FBXL7: variants seen among roughly 807,000 people sequenced by gnomAD.
The protein encoded by FBXL7 is F-box and leucine rich repeat protein 7, also known as F-box/LRR-repeat protein 7.
FBXL7 carries 12 observed loss-of-function variants against 38.3 expected under a neutral mutation model. That is an observed-to-expected ratio of 0.31 (90% CI 0.20 to 0.51). FBXL7 has a LOEUF of 0.51. FBXL7 is among the 20% of genes least tolerant of loss of function. FBXL7 has a pLI of 0.98. For synonymous variants in FBXL7, 297 were observed against 300.9 expected, an observed-to-expected ratio of 0.99 and a Z score of 0.13; for missense variants, 567 against 676.4, an observed-to-expected ratio of 0.84 and a Z score of 1.79.
At chr5:15,890,728 C>T (rs146702663) in intron 2 of FBXL7, among the ~76,000 whole-genome samples, 2 of 152,122 alleles carry the variant, frequency 1.3e-5, no homozygotes, top group Admixed American at 6.5e-5. Flanking sequence ...TCTCTGGTGC[C>T]GAAAAGGCTG....
At chr5:15,606,509 G>A (rs1412993860) in intron 1 of FBXL7, among the ~76,000 whole-genome samples, 1 of 152,200 alleles carries the variant, frequency 6.6e-6, no homozygotes, top group Non-Finnish European at 1.5e-5. Context: ...TTGCTCAGTG[G>A]CCCTGAGGCC....
At chr5:15,530,472 G>A (rs1737387667) in intron 1 of FBXL7, among the ~76,000 whole-genome samples, 1 of 152,064 alleles carries the variant, frequency 6.6e-6, no homozygotes, top group African/African-American at 2.4e-5. Flanking sequence ...TTCTTAGTAT[G>A]GTGCATAATT....
At chr5:15,802,045 T>C (rs1737583767) in intron 2 of FBXL7, among the ~76,000 whole-genome samples, 1 of 152,136 alleles carries the variant, frequency 6.6e-6, no homozygotes. Flanking sequence ...CCTACACTTC[T>C]GGTTAGGCAT....
intron 1 of FBXL7, among the ~76,000 whole-genome samples, chr5:15,507,518 C>T (rs1249007320): frequency 6.6e-6 from 1 of 152,136 alleles, no homozygotes; most frequent in Non-Finnish European, 1.5e-5. Flanking sequence ...AAGGCCATAT[C>T]CACTGGTGTC....
At chr5:15,548,765 G>A (rs759159614) in intron 1 of FBXL7, among the ~76,000 whole-genome samples, 5 of 152,200 alleles carry the variant, frequency 3.3e-5, no homozygotes, top group Admixed American at 3.3e-4. Flanking sequence ...TTTCATGTAA[G>A]AGGTGGGTAG....
intron 2 of FBXL7, among the ~76,000 whole-genome samples, chr5:15,636,255 G>A (rs1580424550): frequency 6.6e-6 from 1 of 152,024 alleles, no homozygotes; most frequent in South Asian, 2.1e-4. Flanking sequence ...TTTCCTCTGT[G>A]TCTCCCTTGT....
intron 2 of FBXL7, among the ~76,000 whole-genome samples, chr5:15,644,938 A>G (rs1338925788): frequency 6.6e-6 from 1 of 152,142 alleles, no homozygotes; most frequent in African/African-American, 2.4e-5. Context: ...GCAGATCTGC[A>G]GCACCCCTGG....
chr5:15,887,632 G>A (rs908521906), intron 2 of FBXL7, among the ~76,000 whole-genome samples: 6 of 152,016 alleles, frequency 3.9e-5, no homozygotes, highest in African/African-American at 1.2e-4. Flanking sequence ...CTAAAGACAG[G>A]GAGCTAACAA....
At chr5:15,558,489 C>T (rs1410945768) in intron 1 of FBXL7, among the ~76,000 whole-genome samples, 1 of 152,196 alleles carries the variant, frequency 6.6e-6, no homozygotes, top group Non-Finnish European at 1.5e-5. Context: ...ACACAGGTGC[C>T]AGGCCACATT....
intron 2 of FBXL7, among the ~76,000 whole-genome samples, chr5:15,724,990 C>T (rs1418726436): frequency 6.6e-6 from 1 of 152,098 alleles, no homozygotes; most frequent in Non-Finnish European, 1.5e-5. Context: ...TTTAAAAATA[C>T]AGGCAGGCAG....
intron 2 of FBXL7, among the ~76,000 whole-genome samples, chr5:15,818,963 C>T (rs1738096457): frequency 6.6e-6 from 1 of 152,076 alleles, no homozygotes; most frequent in African/African-American, 2.4e-5. Context: ...ATGAGTGTAT[C>T]CTCTAGTGTT....
At chr5:15,882,327 A>T (rs1740489420) in intron 2 of FBXL7, among the ~76,000 whole-genome samples, 1 of 152,296 alleles carries the variant, frequency 6.6e-6, no homozygotes, top group Middle Eastern at 3.4e-3. Context: ...AGCTGTCAGG[A>T]AGTGGTGGCG....
intron 2 of FBXL7, among the ~76,000 whole-genome samples, chr5:15,832,031 G>C (rs1045158024): frequency 6.6e-6 from 1 of 152,060 alleles, no homozygotes; most frequent in East Asian, 1.9e-4. Flanking sequence ...CAGCATTTGT[G>C]CTATAAACTC....
At chr5:15,795,074 G>C (rs549518808) in intron 2 of FBXL7, among the ~76,000 whole-genome samples, 2 of 152,184 alleles carry the variant, frequency 1.3e-5, no homozygotes, top group Admixed American at 6.5e-5. Flanking sequence ...GCAGCCTTCT[G>C]TGTGATTCTG....
chr5:15,768,243 C>T (rs902294665), intron 2 of FBXL7, among the ~76,000 whole-genome samples: 1 of 152,006 alleles, frequency 6.6e-6, no homozygotes, highest in Admixed American at 6.6e-5. Flanking sequence ...TAAACAGTAA[C>T]ATTGCTGGCT....
At chr5:15,556,513 G>T (rs1485999016) in intron 1 of FBXL7, among the ~76,000 whole-genome samples, 1 of 152,130 alleles carries the variant, frequency 6.6e-6, no homozygotes, top group Non-Finnish European at 1.5e-5. Context: ...AGTTATCTGG[G>T]CGTCCCGTGG....
intron 2 of FBXL7, among the ~76,000 whole-genome samples, chr5:15,650,031 G>A (rs17703964): frequency 0.19 from 28,377 of 152,050 alleles, 2,923 homozygotes; most frequent in East Asian, 0.44. Flanking sequence ...TAATAGAGCC[G>A]CACTAAAAGT....
At chr5:15,572,965 G>C (rs146425573) in intron 1 of FBXL7, among the ~76,000 whole-genome samples, 1 of 152,100 alleles carries the variant, frequency 6.6e-6, no homozygotes, top group African/African-American at 2.4e-5. Context: ...TCTTTGTTGG[G>C]AGGAGAATCA....
chr5:15,803,246 C>T (rs1234908828), intron 2 of FBXL7, among the ~76,000 whole-genome samples: 1 of 152,102 alleles, frequency 6.6e-6, no homozygotes, highest in Non-Finnish European at 1.5e-5. Context: ...TAATACTTAT[C>T]TATGGAACAA....
Sources: gnomAD v4.1 joint callset for allele counts (sites outside exome capture counted in the v4.1 genomes callset) on GRCh38, gnomAD v4.1.1 for gene constraint, MANE v1.5 for transcripts, NCBI Gene and HGNC (gene_info 2026-07-23, HGNC 2026-07-21) for gene names.